ZNF91: variants seen among roughly 807,000 people sequenced by gnomAD.
The protein encoded by ZNF91 is zinc finger protein 91 (HPF7, HTF10).
Under a neutral mutation model 12.6 loss-of-function variants are expected in ZNF91, and 7 were observed. The ratio of observed to expected loss-of-function variants is 0.55; its 90% CI spans 0.31 to 1.04. The LOEUF (loss-of-function observed/expected upper bound fraction) is 1.04. Ranked by LOEUF, ZNF91 falls within the 50% of genes least tolerant of loss-of-function variation. The pLI, the probability that ZNF91 is intolerant of heterozygous loss-of-function variation, is 0.05. For missense variants in ZNF91, 1,217 were observed against 1,385.4 expected (o/e 0.88, Z 1.93); for synonymous variants, 453 against 462.6 (o/e 0.98, Z 0.27).
chr19:23,338,801 C>T (rs530971633), exon 4 of ZNF91: 2 of 152,156 alleles, frequency 1.3e-5, no homozygotes, highest in African/African-American at 2.4e-5. Flanking sequence ...CGCCTGTAGT[C>T]CCAGCACTTT....
chr19:23,382,887 A>G (rs1371168560), intron 1 of ZNF91, among the ~76,000 whole-genome samples: 2 of 152,098 alleles, frequency 1.3e-5, no homozygotes, highest in African/African-American at 4.8e-5. Context: ...AAATAAAGCC[A>G]AGGACCAGAC....
Position 23,362,221 on chromosome 19 carries a change from A to G in ZNF91, c.758T>C (p.Leu253Pro). ...CGKAFKQLST[L>P]TTHKIICAKE... ...AGCACAGATTATTTTATGTGTAGTA[A>G]GGGTTGAGAGCTGCTTAAAAGCTTT... The change falls in exon 4 of 4, where the codon CTT becomes CCT. Residue 253 changes from leucine (L) to proline (P), a missense_variant. Coordinates refer to ENST00000300619, the MANE Select transcript of ZNF91 (RefSeq NM_003430.4). The G allele has an allele frequency of 6.2e-7, 1 of 1,613,006 alleles. No homozygotes were observed. Among genetic ancestry groups the G allele is most frequent in the Non-Finnish European group, 8.5e-7 (1 of 1,179,338 alleles).
At chr19:23,327,231 C>T (rs1023721469) in intron 1 of ZNF91, 4 of 150,400 alleles carry the variant, frequency 2.7e-5, no homozygotes, top group African/African-American at 1.0e-4. Context: ...GATTATATAT[C>T]ATATTTATAA....
chr19:23,379,136 T>C (rs532657165), intron 1 of ZNF91, among the ~76,000 whole-genome samples: 1 of 152,288 alleles, frequency 6.6e-6, no homozygotes, highest in African/African-American at 2.4e-5. Flanking sequence ...CCAGTGACCC[T>C]GGGCTGATGG....
At chr19:23,335,414 C>T (rs891329550), downstream of ZNF91, among the ~76,000 whole-genome samples, 2 of 152,222 alleles carry the variant, frequency 1.3e-5, no homozygotes, top group African/African-American at 2.4e-5. Flanking sequence ...CTATGCCCTG[C>T]CCCCAGAGGC....
chr19:23,341,654 C>T (rs532143944), intron 3 of ZNF91, among the ~76,000 whole-genome samples: 1 of 152,048 alleles, frequency 6.6e-6, no homozygotes, highest in South Asian at 2.1e-4. Flanking sequence ...TACCAAAAGG[C>T]AACTGCAAAT....
chr19:23,378,673 G>C (rs566991936), intron 1 of ZNF91, among the ~76,000 whole-genome samples: 5 of 152,006 alleles, frequency 3.3e-5, no homozygotes, highest in Non-Finnish European at 5.9e-5. Context: ...TATATGTTCA[G>C]GTGTAGACAT....
At chr19:23,316,397 C>T (rs1444604313) in intron 1 of ZNF91, among the ~76,000 whole-genome samples, 1 of 152,174 alleles carries the variant, frequency 6.6e-6, no homozygotes, top group Non-Finnish European at 1.5e-5. Flanking sequence ...ATGTGTCTCT[C>T]GTAATTGGGC....
At chr19:23,366,813 C>T (rs1040580316) in intron 3 of ZNF91, among the ~76,000 whole-genome samples, 1 of 152,172 alleles carries the variant, frequency 6.6e-6, no homozygotes, top group Admixed American at 6.5e-5. Flanking sequence ...CTACCAGGTC[C>T]GACATCTAAC....
intron 3 of ZNF91, among the ~76,000 whole-genome samples, chr19:23,373,198 T>G (rs912794415): frequency 3.3e-5 from 5 of 152,170 alleles, no homozygotes; most frequent in African/African-American, 1.2e-4. Context: ...CAGTCACCGA[T>G]GCAAAACTAT....
Position 23,361,222 on chromosome 19 carries a change from G to A in ZNF91, c.1757C>T (p.Ser586Phe), listed in dbSNP as rs779159570. The A allele has an allele frequency of 1.2e-6, 2 of 1,613,172 alleles. No homozygotes were observed. Among genetic ancestry groups the A allele is most frequent in the South Asian group, 1.1e-5 (1 of 91,052 alleles). Residue 586 changes from serine (S) to phenylalanine (F), a missense_variant, in exon 4 of 4, where the codon TCC (serine) becomes TTC (phenylalanine). Coordinates refer to ENST00000300619, the MANE Select transcript of ZNF91 (RefSeq NM_003430.4). ...TATCTTATGTGTAGAAAGACTTGAG[G>A]AATGATTAAAAGCTTTGCCACATTC... ...CEECGKAFNH[S>F]SSLSTHKIIH...
At chr19:23,340,271 AT>A (rs1439564223) in intron 3 of ZNF91, 2 of 152,200 alleles carry the variant, frequency 1.3e-5, no homozygotes, top group African/African-American at 4.8e-5. Flanking sequence ...AAAAGACAAA[AT>A]TGGTAAATTG....
At chr19:23,364,178 G>A (rs1036170631) in intron 3 of ZNF91, among the ~76,000 whole-genome samples, 1 of 152,214 alleles carries the variant, frequency 6.6e-6, no homozygotes, top group African/African-American at 2.4e-5. Context: ...AATCAGCCAG[G>A]TGTGGTGACA....
chr19:23,348,639 T>C (rs1225729404), intron 3 of ZNF91, among the ~76,000 whole-genome samples: 2 of 152,080 alleles, frequency 1.3e-5, no homozygotes, highest in African/African-American at 2.4e-5. Context: ...TTGTAAAACG[T>C]AGGTGTTTGA....
intron 3 of ZNF91, among the ~76,000 whole-genome samples, chr19:23,343,608 G>A (rs1422277502): frequency 6.6e-6 from 1 of 152,188 alleles, no homozygotes; most frequent in African/African-American, 2.4e-5. Context: ...ATGTAACCTA[G>A]TTCTGTAAGC....
At position 23,368,552 on chromosome 19, in the gene ZNF91, C is replaced by CTA. The variant is rs1452832461; in HGVS notation, c.253+5189_253+5190insTA. On this transcript the variant is annotated intron_variant, in intron 3 of 3. Coordinates refer to ENST00000300619, the MANE Select transcript of ZNF91 (RefSeq NM_003430.4). ...TCTCTCTCTCTCTCTCTCTCTCTCTCTCTCTCTCTCTATATATATATGAAA... is the reference window on the plus strand; with the variant it reads ...TCTCTCTCTCTCTCTCTCTCTCTCTCTATCTCTCTCTCTATATATATATGAAA... Among the ~76,000 whole-genome samples the CTA allele has an allele frequency of 2.8e-3, 221 of 79,236 alleles. 6 individuals carry two copies. The highest frequency in any genetic ancestry group is 6.7e-3 in the African/African-American group (112 of 16,836). 52.0% of individuals were successfully genotyped at this position (79,236 alleles called of 152,430 possible).
intron 1 of ZNF91, among the ~76,000 whole-genome samples, chr19:23,375,321 G>A (rs62122172): frequency 0.018 from 2,787 of 151,998 alleles, 29 homozygotes; most frequent in Middle Eastern, 0.034. Context: ...CACCACGCCC[G>A]GCTAATTTTT....
chr19:23,373,807 G>C lies in ZNF91; in HGVS notation c.188C>G (p.Thr63Ser). The change falls in exon 3 of 4, where the codon ACT becomes AGT. Residue 63 changes from threonine to serine, a missense_variant. Physicochemically the swap from Thr to Ser is moderately conservative, Grantham distance 58 (BLOSUM62 1). This residue lies in a region of ZNF91 where 726 missense variants were observed against 895.5 expected (regional missense o/e 0.81). Transcript: ENST00000300619. Reference sequence around the variant, plus strand: ...GGGCTCTTTTCCTTGCTCCAGATAAGTAATCAGGTCTGGCTTAGAGAGAGC... The same window carrying C: ...GGGCTCTTTTCCTTGCTCCAGATAACTAATCAGGTCTGGCTTAGAGAGAGC... ...GIALSKPDLI[T>S]YLEQGKEPWN... The C allele has an allele frequency of 6.2e-7, 1 of 1,610,988 alleles. No individual in the cohort carries two copies. The highest frequency in any genetic ancestry group is 1.1e-5 in the South Asian group (1 of 90,894).
intron 1 of ZNF91, among the ~76,000 whole-genome samples, chr19:23,332,204 T>A (rs1281571081): frequency 6.6e-6 from 1 of 152,218 alleles, no homozygotes; most frequent in South Asian, 2.1e-4. Flanking sequence ...AGTCTGTAAG[T>A]CAATAATCAA....
Sources: gnomAD v4.1 joint callset for allele counts (sites outside exome capture counted in the v4.1 genomes callset) on GRCh38, gnomAD v4.1.1 for gene constraint, gnomAD v4.1.1 regional missense constraint, MANE v1.5 for transcripts, NCBI Gene and HGNC (gene_info 2026-07-23, HGNC 2026-07-21) for gene names.